Variants in GRIK1 observed in about 807,000 individuals in gnomAD.
GRIK1 encodes the protein glutamate ionotropic receptor kainate type subunit 1.
Under a neutral mutation model 105.7 loss-of-function variants are expected in GRIK1, and 69 were observed. The ratio of observed to expected loss-of-function variants is 0.65; its 90% CI spans 0.54 to 0.80. The LOEUF is 0.80. Among genes scored for constraint, GRIK1 ranks in the 30% least tolerant of loss-of-function variants. GRIK1 has a pLI of 0.00. For missense variants in GRIK1, 1,109 were observed against 1,167.3 expected, an observed-to-expected ratio of 0.95 and a Z score of 0.73; for synonymous variants, 438 against 431.3, an observed-to-expected ratio of 1.02 and a Z score of -0.19.
chr21:29,618,578 A>C (rs1905346039), intron 7 of GRIK1, among the ~76,000 whole-genome samples: 1 of 152,230 alleles, frequency 6.6e-6, no homozygotes, highest in Non-Finnish European at 1.5e-5. Context: ...ATAGCAGCAC[A>C]AATTCACAAT....
At chr21:29,889,680 T>A (rs575801125) in intron 1 of GRIK1, among the ~76,000 whole-genome samples, 1 of 152,264 alleles carries the variant, frequency 6.6e-6, no homozygotes, top group South Asian at 2.1e-4. Context: ...AATCATCTCA[T>A]ATTTTAGAAA....
chr21:29,904,102 C>T (rs1028103057), intron 1 of GRIK1, among the ~76,000 whole-genome samples: 1 of 152,102 alleles, frequency 6.6e-6, no homozygotes, highest in Non-Finnish European at 1.5e-5. Context: ...GGGAGGGGAA[C>T]ATCACACACC....
intron 1 of GRIK1, among the ~76,000 whole-genome samples, chr21:29,829,211 A>G (rs2067559529): frequency 6.6e-6 from 1 of 152,154 alleles, no homozygotes; most frequent in Admixed American, 6.5e-5. Flanking sequence ...GACCTCTCTA[A>G]GACTCTAATA....
intron 1 of GRIK1, among the ~76,000 whole-genome samples, chr21:29,744,753 C>T (rs2065009508): frequency 6.6e-6 from 1 of 152,146 alleles, no homozygotes; most frequent in African/African-American, 2.4e-5. Flanking sequence ...CAGCATAGGA[C>T]ATTTTGTGGT....
At chr21:29,914,876 G>A (rs1021223682) in intron 1 of GRIK1, among the ~76,000 whole-genome samples, 2 of 151,948 alleles carry the variant, frequency 1.3e-5, no homozygotes, top group African/African-American at 4.8e-5. Context: ...TCTTTGTTAC[G>A]GGAGCATTAT....
At chr21:29,679,796 C>T (rs776051486) in intron 3 of GRIK1, among the ~76,000 whole-genome samples, 1 of 152,094 alleles carries the variant, frequency 6.6e-6, no homozygotes, top group African/African-American at 2.4e-5. Context: ...TGAATTAAAC[C>T]GTAACCTGCC....
intron 2 of GRIK1, among the ~76,000 whole-genome samples, chr21:29,692,842 G>A (rs549914816): frequency 6.6e-6 from 1 of 152,270 alleles, no homozygotes; most frequent in African/African-American, 2.4e-5. Context: ...CAAAGTGCTG[G>A]GATTACCGGC....
intron 1 of GRIK1, among the ~76,000 whole-genome samples, chr21:29,775,368 G>A (rs1277575423): frequency 1.3e-5 from 2 of 151,928 alleles, no homozygotes; most frequent in Non-Finnish European, 2.9e-5. Context: ...TGGAATCCTG[G>A]TATTGTTGGA....
intron 1 of GRIK1, among the ~76,000 whole-genome samples, chr21:29,911,505 C>T (rs1162050709): frequency 6.6e-6 from 1 of 151,934 alleles, no homozygotes; most frequent in Non-Finnish European, 1.5e-5. Context: ...TGAGTAAAAC[C>T]TATAAAGTTG....
chr21:29,727,677 G>A (rs1011963863), intron 1 of GRIK1, among the ~76,000 whole-genome samples: 3 of 152,186 alleles, frequency 2.0e-5, no homozygotes, highest in African/African-American at 7.2e-5. Flanking sequence ...AACTGTCCAT[G>A]TAGGGAAGTA....
At chr21:29,885,523 C>T (rs1425621336) in intron 1 of GRIK1, among the ~76,000 whole-genome samples, 1 of 151,962 alleles carries the variant, frequency 6.6e-6, no homozygotes, top group African/African-American at 2.4e-5. Flanking sequence ...CACCTATTTG[C>T]CATTTAGAAT....
At chr21:29,560,770 T>A (rs1429591299) in intron 15 of GRIK1, among the ~76,000 whole-genome samples, 2 of 151,208 alleles carry the variant, frequency 1.3e-5, no homozygotes, top group African/African-American at 2.4e-5. Flanking sequence ...GCCAGCTAAT[T>A]TTTGTATTTT....
At chr21:29,917,818 G>A (rs1415367633) in intron 1 of GRIK1, among the ~76,000 whole-genome samples, 3 of 151,816 alleles carry the variant, frequency 2.0e-5, no homozygotes, top group Admixed American at 6.6e-5. Flanking sequence ...ATATATTTTA[G>A]TTAAATCAGT....
intron 1 of GRIK1, among the ~76,000 whole-genome samples, chr21:29,848,709 T>C (rs1208112723): frequency 1.3e-5 from 2 of 148,602 alleles, no homozygotes; most frequent in Admixed American, 6.7e-5. Context: ...TTACATATAC[T>C]ACAGCTTGCC....
chr21:29,675,045 T>TA (rs1438553077), intron 3 of GRIK1, among the ~76,000 whole-genome samples: 2 of 152,252 alleles, frequency 1.3e-5, no homozygotes. Flanking sequence ...GTATATTTGT[T>TA]ATTTGTAATA....
chr21:29,802,706 C>T (rs1451838115), intron 1 of GRIK1, among the ~76,000 whole-genome samples: 1 of 152,126 alleles, frequency 6.6e-6, no homozygotes, highest in Non-Finnish European at 1.5e-5. Flanking sequence ...AACAGAAACC[C>T]GAAAGAATCT....
chr21:29,545,516 A>G (rs2090036705), intron 16 of GRIK1, among the ~76,000 whole-genome samples: 1 of 152,204 alleles, frequency 6.6e-6, no homozygotes, highest in Non-Finnish European at 1.5e-5. Context: ...AGGCTGAATT[A>G]GGGCCATAAA....
intron 15 of GRIK1, among the ~76,000 whole-genome samples, chr21:29,558,954 T>C (rs1247442491): frequency 6.6e-6 from 1 of 152,162 alleles, no homozygotes; most frequent in Non-Finnish European, 1.5e-5. Context: ...AAGTCTCATG[T>C]TAAAGTTCAA....
chr21:29,811,493 G>C (rs1164547576), intron 1 of GRIK1, among the ~76,000 whole-genome samples: 4 of 151,878 alleles, frequency 2.6e-5, no homozygotes, highest in African/African-American at 7.3e-5. Context: ...ATAGTAAATG[G>C]GCCCAAAGAA....
Sources: gnomAD v4.1 joint callset for allele counts (sites outside exome capture counted in the v4.1 genomes callset) on GRCh38, gnomAD v4.1.1 for gene constraint, MANE v1.5 for transcripts, NCBI Gene and HGNC (gene_info 2026-07-23, HGNC 2026-07-21) for gene names.